The following AP2M1 variants were observed in gnomAD, a reference collection of about 807,000 sequenced individuals.
AP2M1 encodes AP-2 complex subunit mu.
A neutral mutation model predicts 54.5 loss-of-function variants in AP2M1; 5 were observed. The ratio of observed to expected loss-of-function variants is 0.09; its 90% CI spans 0.05 to 0.19. The LOEUF (loss-of-function observed/expected upper bound fraction) is 0.19. Ranked by LOEUF, AP2M1 falls within the 10% of genes least tolerant of loss-of-function variation. The probability of loss-of-function intolerance (pLI) is 1.00; values close to 1 mark genes in which losing one functional copy is unlikely to be tolerated. For synonymous variants in AP2M1, 186 were observed against 208.2 expected, an observed-to-expected ratio of 0.89 and a Z score of 0.92; for missense variants, 178 against 580.2, an observed-to-expected ratio of 0.31 and a Z score of 7.12.
At position 184,181,041 on chromosome 3, in the gene AP2M1, C is replaced by T; in HGVS notation, c.566-44C>T. The T allele has an allele frequency of 6.2e-7, 1 of 1,614,078 alleles. No homozygotes were observed. The highest frequency in any genetic ancestry group is 8.5e-7 in the Non-Finnish European group (1 of 1,179,982). On this transcript the variant is annotated intron_variant, in intron 6 of 11. Transcript: ENST00000292807. This position sits in a 1 kb window ranked among gnomAD's most constrained non-coding sequence, Gnocchi z 5.7. The stretch of plus-strand genomic sequence containing the variant: ...GGCCCAGGGCAGGATCCTGGGCCTG[C>T]CTGCCTGACTCCGCTGCTCCCCATT...
chr3:184,176,720 A>G, intron 1 of AP2M1: 1 of 470,168 alleles, frequency 2.1e-6, no homozygotes, highest in Non-Finnish European at 3.7e-6. Context: ...AGGGAGGGTC[A>G]AAATGGCCTT....
Position 184,183,372 on chromosome 3 carries a change from G to A in AP2M1, c.1174-110G>A. On this transcript the variant is annotated intron_variant, in intron 11 of 11. Transcript: ENST00000292807. The surrounding 1 kb of genome is among the most constrained non-coding windows in gnomAD (Gnocchi z 5.7). ...CGCCCCAGCTTCTTTCAGGACCCCA[G>A]CCATACAAACACCTGTAGTAGCGAT... The A allele has an allele frequency of 6.6e-7, 1 of 1,516,220 alleles. No individual in the cohort carries two copies. The highest frequency in any genetic ancestry group is 8.9e-7 in the Non-Finnish European group (1 of 1,124,358). 93.9% of individuals were successfully genotyped at this position (1,516,220 alleles called of 1,614,324 possible).
Position 184,178,209 on chromosome 3 carries a change from C to T in AP2M1, c.75-648C>T. The T allele has an allele frequency of 7.8e-6, 12 of 1,536,134 alleles. No individual in the cohort carries two copies. Among genetic ancestry groups the T allele is most frequent in the Non-Finnish European group, 1.0e-5 (12 of 1,146,846 alleles). ...CATTTCTCTCATCCCATCTCATTGG[C>T]TGCCGTAGCAATAGGTAAGCGGCCT... On this transcript the variant is annotated intron_variant, in intron 2 of 11. Transcript: ENST00000292807. This position sits in a 1 kb window ranked among gnomAD's most constrained non-coding sequence, Gnocchi z 4.9.
intron 1 of AP2M1, 31 bp from the exon 2 acceptor site, chr3:184,176,920 T>C: frequency 6.7e-7 from 1 of 1,492,154 alleles, no homozygotes; most frequent in Non-Finnish European, 9.2e-7. Flanking sequence ...GATTCTGAGG[T>C]CTTCTTTTAC....
In AP2M1 at chr3:184,180,555, C is replaced by A; in HGVS notation, c.424-90C>A. The A allele has an allele frequency of 6.2e-7, 1 of 1,602,410 alleles. No individual in the cohort carries two copies. Among genetic ancestry groups the A allele is most frequent in the East Asian group, 2.2e-5 (1 of 44,850 alleles). On this transcript the variant is annotated intron_variant, in intron 4 of 11. Transcript: ENST00000292807. This position sits in a 1 kb window ranked among gnomAD's most constrained non-coding sequence, Gnocchi z 4.9. ...CAGGAGGAGCGAGCTTGGGCCCTCT[C>A]CTCTAGGATCCAAGCCTCATAGCTT... is the stretch of plus-strand genomic sequence containing the variant.
chr3:184,183,129 G>A lies in AP2M1; in HGVS notation c.1173+261G>A. 1 of 565,284 alleles carries A rather than the reference G, an allele frequency of 1.8e-6. No homozygotes were observed. The highest frequency in any genetic ancestry group is 2.0e-5 in the South Asian group (1 of 48,846). The allele number at this position is 565,284 out of a possible 1,614,324, so 35.0% of individuals were successfully genotyped here. On this transcript the variant is annotated intron_variant, in intron 11 of 11. Coordinates refer to ENST00000292807, the MANE Select transcript of AP2M1 (RefSeq NM_004068.4). This position sits in a 1 kb window ranked among gnomAD's most constrained non-coding sequence, Gnocchi z 5.7. ...CTTAGATTGTTTAAATGCCAGGTAAGACACAAAGTTTACTTACAGACAGGA... is the reference window on the plus strand; with the variant it reads ...CTTAGATTGTTTAAATGCCAGGTAAAACACAAAGTTTACTTACAGACAGGA...
Position 184,182,123 on chromosome 3 carries a change from A to T in AP2M1, c.964-28A>T. On this transcript the variant is annotated intron_variant, in intron 9 of 11. Transcript: ENST00000292807. The surrounding 1 kb of genome is among the most constrained non-coding windows in gnomAD (Gnocchi z 5.5). ...GGTAGCTGATGTCACAGCTTGACAG[A>T]GCTCCCTGACAGGTGTGTCACTTCT... 1 of 1,612,842 alleles carries T rather than the reference A, an allele frequency of 6.2e-7. No individual in the cohort carries two copies. The highest frequency in any genetic ancestry group is 8.5e-7 in the Non-Finnish European group (1 of 1,179,198).
chr3:184,183,254 C>A lies in AP2M1; in HGVS notation c.1174-228C>A, dbSNP rs1715333057. On this transcript the variant is annotated intron_variant, in intron 11 of 11. Transcript: ENST00000292807. This position sits in a 1 kb window ranked among gnomAD's most constrained non-coding sequence, Gnocchi z 5.7. ...AGGATAAGTATGTTCTAAAGCAGTT[C>A]TTTGGTTGCTGTCTCCTGCTGATTA... 3.3e-6 allele frequency: 2 copies of A among 597,702 alleles called. No homozygotes were observed. The highest frequency in any genetic ancestry group is 2.9e-5 in the East Asian group (1 of 34,862). The allele number at this position is 597,702 out of a possible 1,614,324, so 37.0% of individuals were successfully genotyped here.
Position 184,180,494 on chromosome 3 carries a change from G to A in AP2M1, c.424-151G>A, listed in dbSNP as rs192171654. 9.5e-6 allele frequency: 12 copies of A among 1,268,424 alleles called. No homozygotes were observed. In the South Asian group the frequency reaches 1.4e-4, roughly 14 times the overall value. The allele number at this position is 1,268,424 out of a possible 1,614,324, so 78.6% of individuals were successfully genotyped here. On this transcript the variant is annotated intron_variant, in intron 4 of 11. Transcript: ENST00000292807. The surrounding 1 kb of genome is among the most constrained non-coding windows in gnomAD (Gnocchi z 4.9). ...GCAGTTTCCTTTTGCACTGAGGGGT[G>A]GGGGAGGAGGCCTGGTCTTGAGGCC...
At position 184,174,970 on chromosome 3, in the gene AP2M1, G is replaced by A. The variant is rs1019573441; in HGVS notation, c.-44+11G>A. ...GGCCGAGGACACCAGGTGAGCCGGG[G>A]ATCTGGCCTTATGGCGTGGAGGAGG... On this transcript the variant is annotated intron_variant, in intron 1 of 11. Coordinates refer to ENST00000292807, the MANE Select transcript of AP2M1 (RefSeq NM_004068.4). 2.5e-5 allele frequency: 10 copies of A among 398,620 alleles called. No individual in the cohort carries two copies. The highest frequency in any genetic ancestry group is 4.0e-5 in the Non-Finnish European group (9 of 226,176). The allele number at this position is 398,620 out of a possible 1,614,324, so 24.7% of individuals were successfully genotyped here.
Position 184,183,423 on chromosome 3 carries a change from C to T in AP2M1, c.1174-59C>T. On this transcript the variant is annotated intron_variant, in intron 11 of 11. Transcript: ENST00000292807. The surrounding 1 kb of genome is among the most constrained non-coding windows in gnomAD (Gnocchi z 5.7). ...GAAGTAGGGCAGGGCAACGGGACTT[C>T]CCAGAGGAGAGCGGCTGTAAGAGGA... The T allele has an allele frequency of 6.2e-7, 1 of 1,609,650 alleles. No homozygotes were observed. Among genetic ancestry groups the T allele is most frequent in the Non-Finnish European group, 8.5e-7 (1 of 1,177,804 alleles).
In AP2M1 at chr3:184,180,680, C is replaced by G; in HGVS notation, c.429+30C>G. Reference sequence around the variant, plus strand: ...GCTCTTCCCTCAGCTTCCACCCTTGCAGCTTTGCTTTGTTTCTCCAGGCCC... The same window carrying G: ...GCTCTTCCCTCAGCTTCCACCCTTGGAGCTTTGCTTTGTTTCTCCAGGCCC... On this transcript the variant is annotated intron_variant, in intron 5 of 11. Transcript: ENST00000292807. This position sits in a 1 kb window ranked among gnomAD's most constrained non-coding sequence, Gnocchi z 4.9. The G allele has an allele frequency of 1.2e-6, 2 of 1,614,244 alleles. No individual in the cohort carries two copies. Among genetic ancestry groups the G allele is most frequent in the Non-Finnish European group, 1.7e-6 (2 of 1,180,040 alleles).
Position 184,180,079 on chromosome 3 carries a change from G to T in AP2M1, c.341-90G>T, listed in dbSNP as rs1715221408. ...TTGCGGATGATCCCACATGGGCTTT[G>T]GGAGCTGTGCCGGTCAGATGTGTAG... is the stretch of plus-strand genomic sequence containing the variant. On this transcript the variant is annotated intron_variant, in intron 3 of 11. Coordinates refer to ENST00000292807, the MANE Select transcript of AP2M1 (RefSeq NM_004068.4). The surrounding 1 kb of genome is among the most constrained non-coding windows in gnomAD (Gnocchi z 4.9). 8.2e-7 allele frequency: 1 copy of T among 1,219,704 alleles called. No homozygotes were observed. The highest frequency in any genetic ancestry group is 1.3e-5 in the South Asian group (1 of 79,554). 75.6% of individuals were successfully genotyped at this position (1,219,704 alleles called of 1,614,324 possible).
Position 184,181,398 on chromosome 3 carries a change from T to G in AP2M1, c.707+172T>G. On this transcript the variant is annotated intron_variant, in intron 7 of 11. Coordinates refer to ENST00000292807, the MANE Select transcript of AP2M1 (RefSeq NM_004068.4). This position sits in a 1 kb window ranked among gnomAD's most constrained non-coding sequence, Gnocchi z 5.7. ...ATTAGTGCTACGAGAGATGAGGGGA[T>G]CGTCCTCAGAGAGCAAGCCCCTTTG... The G allele has an allele frequency of 2.9e-6, 3 of 1,028,720 alleles. No individual in the cohort carries two copies. The highest frequency in any genetic ancestry group is 4.2e-6 in the Non-Finnish European group (3 of 711,118). The allele number at this position is 1,028,720 out of a possible 1,614,324, so 63.7% of individuals were successfully genotyped here.
At position 184,181,721 on chromosome 3, in the gene AP2M1, G is replaced by A; in HGVS notation, c.733G>A (p.Asp245Asn). 1 of 1,613,976 alleles carries A rather than the reference G, an allele frequency of 6.2e-7. No homozygotes were observed. Among genetic ancestry groups the A allele is most frequent in the Non-Finnish European group, 8.5e-7 (1 of 1,179,894 alleles). ...KSGKQSIAIDDCTFHQCVRLS... is the reference protein window; with the variant it reads ...KSGKQSIAIDNCTFHQCVRLS... ...CGGGAAGCAATCAATTGCCATTGATGACTGCACCTTCCACCAGTGTGTGCG... is the reference window on the plus strand; with the variant it reads ...CGGGAAGCAATCAATTGCCATTGATAACTGCACCTTCCACCAGTGTGTGCG... Residue 245 changes from aspartate to asparagine, a missense_variant, in exon 8 of 12, where the codon GAC becomes AAC. Coordinates refer to ENST00000292807, the MANE Select transcript of AP2M1 (RefSeq NM_004068.4). This position sits in a 1 kb window ranked among gnomAD's most constrained non-coding sequence, Gnocchi z 5.7.
rs2109029410 is a variant in AP2M1, at chr3:184,178,727, G to A, written c.75-130G>A. 1.7e-6 allele frequency: 2 copies of A among 1,201,188 alleles called. No individual in the cohort carries two copies. Among genetic ancestry groups the A allele is most frequent in the Non-Finnish European group, 2.3e-6 (2 of 862,106 alleles). The allele number at this position is 1,201,188 out of a possible 1,614,324, so 74.4% of individuals were successfully genotyped here. A position where few individuals can be genotyped will look rare whatever the true frequency, so the allele number is the denominator to read the frequency against. On this transcript the variant is annotated intron_variant, in intron 2 of 11. Transcript: ENST00000292807. The surrounding 1 kb of genome is among the most constrained non-coding windows in gnomAD (Gnocchi z 4.9). ...GAACCACTCCAGTGGTTTAGGCATT[G>A]GCTTTCTTTGGAGTGTGTGTGTCAG...
chr3:184,180,618 G>T lies in AP2M1; in HGVS notation c.424-27G>T, dbSNP rs369570702. On this transcript the variant is annotated intron_variant, in intron 4 of 11. Transcript: ENST00000292807. This position sits in a 1 kb window ranked among gnomAD's most constrained non-coding sequence, Gnocchi z 4.9. ...CTGCCTCCCTTGCTGCTTCATGTGG[G>T]CACCTCGTTGGCCCTGCGGCCTCCA... The T allele has an allele frequency of 8.1e-6, 13 of 1,613,578 alleles. No individual in the cohort carries two copies. The highest frequency in any genetic ancestry group is 1.1e-5 in the Non-Finnish European group (13 of 1,180,052).
chr3:184,183,362 C>G lies in AP2M1; in HGVS notation c.1174-120C>G, dbSNP rs1196593395. ...GGTCCCACGCCGCCCCAGCTTCTTT[C>G]AGGACCCCAGCCATACAAACACCTG... is the stretch of plus-strand genomic sequence containing the variant. On this transcript the variant is annotated intron_variant, in intron 11 of 11. Coordinates refer to ENST00000292807, the MANE Select transcript of AP2M1 (RefSeq NM_004068.4). The surrounding 1 kb of genome is among the most constrained non-coding windows in gnomAD (Gnocchi z 5.7). 4.7e-6 allele frequency: 7 copies of G among 1,482,706 alleles called. No homozygotes were observed. The highest frequency in any genetic ancestry group is 1.4e-5 in the African/African-American group (1 of 71,056). The allele number at this position is 1,482,706 out of a possible 1,614,324, so 91.8% of individuals were successfully genotyped here. A position where few individuals can be genotyped will look rare whatever the true frequency, so the allele number is the denominator to read the frequency against.
chr3:184,180,497 G>A lies in AP2M1; in HGVS notation c.424-148G>A. The A allele has an allele frequency of 7.8e-7, 1 of 1,288,244 alleles. No individual in the cohort carries two copies. Among genetic ancestry groups the A allele is most frequent in the Non-Finnish European group, 1.1e-6 (1 of 914,656 alleles). The allele number at this position is 1,288,244 out of a possible 1,614,324, so 79.8% of individuals were successfully genotyped here. A position where few individuals can be genotyped will look rare whatever the true frequency, so the allele number is the denominator to read the frequency against. ...GTTTCCTTTTGCACTGAGGGGTGGG[G>A]GAGGAGGCCTGGTCTTGAGGCCTGG... is the stretch of plus-strand genomic sequence containing the variant. On this transcript the variant is annotated intron_variant, in intron 4 of 11. Coordinates refer to ENST00000292807, the MANE Select transcript of AP2M1 (RefSeq NM_004068.4). The surrounding 1 kb of genome is among the most constrained non-coding windows in gnomAD (Gnocchi z 4.9).
Sources: allele counts gnomAD v4.1 joint callset, GRCh38; gene constraint gnomAD v4.1.1; non-coding constraint Gnocchi (gnomAD v3.1); transcripts MANE v1.5; gene names NCBI Gene and HGNC (gene_info 2026-07-23, HGNC 2026-07-21).